The following SMOC2 variants were observed in gnomAD, a reference collection of about 807,000 sequenced individuals.
SMOC2 encodes SPARC related modular calcium binding 2, also known as SPARC-related modular calcium-binding protein 2.
Under a neutral mutation model 61.4 loss-of-function variants are expected in SMOC2, and 39 were observed. The observed-to-expected ratio is 0.64, with a 90% CI of 0.49 to 0.83. The LOEUF (loss-of-function observed/expected upper bound fraction) is 0.83. Among genes scored for constraint, SMOC2 ranks in the 40% least tolerant of loss-of-function variants. SMOC2 has a pLI of 0.00. For synonymous variants in SMOC2, 247 were observed against 239.9 expected (o/e 1.03, Z -0.27); for missense variants, 556 against 592.9 (o/e 0.94, Z 0.65).
chr6:168,484,199 G>A (rs1215559513), intron 1 of SMOC2, among the ~76,000 whole-genome samples: 2 of 152,006 alleles, frequency 1.3e-5, no homozygotes, highest in Non-Finnish European at 2.9e-5. Context: ...TATCTGACAA[G>A]GGATAAATAT....
At chr6:168,650,904 A>T in intron 10 of SMOC2, 121 bp downstream of exon 10, 5 of 846,590 alleles carry the variant, frequency 5.9e-6, no homozygotes, top group Non-Finnish European at 9.0e-6. Flanking sequence ...GTAGGGCCTT[A>T]AAAAGGAGCC....
chr6:168,451,454 A>G (rs1781459620), intron 1 of SMOC2, among the ~76,000 whole-genome samples: 1 of 152,172 alleles, frequency 6.6e-6, no homozygotes, highest in South Asian at 2.1e-4. Context: ...GCCTGTAAGA[A>G]TAAAAAACCC....
At position 168,664,065 on chromosome 6, in the gene SMOC2, T is replaced by C; in HGVS notation, c.1286-9T>C. On this transcript the variant is annotated splice_polypyrimidine_tract_variant and intron_variant, in intron 11 of 12. Transcript: ENST00000356284. Reference sequence around the variant, plus strand: ...GATTTTTAATAATATCTTTTTTTTTTCCTGCTAGCCCCCAGAGGTCATGCT... The same window carrying C: ...GATTTTTAATAATATCTTTTTTTTTCCCTGCTAGCCCCCAGAGGTCATGCT... The C allele has an allele frequency of 1.3e-6, 2 of 1,597,548 alleles. No individual in the cohort carries two copies. The highest frequency in any genetic ancestry group is 2.7e-5 in the African/African-American group (2 of 74,360).
intron 5 of SMOC2, among the ~76,000 whole-genome samples, chr6:168,545,336 C>T (rs975686562): frequency 3.3e-5 from 5 of 152,048 alleles, no homozygotes; most frequent in South Asian, 2.1e-4. Flanking sequence ...CACTTTAGGC[C>T]GGAATACGCA....
chr6:168,495,449 A>G (rs1782564970), intron 1 of SMOC2, among the ~76,000 whole-genome samples: 1 of 152,142 alleles, frequency 6.6e-6, no homozygotes, highest in African/African-American at 2.4e-5. Context: ...CTGAGTTTTT[A>G]ATTCTATCTC....
chr6:168,606,146 C>G (rs1205921752), intron 8 of SMOC2, among the ~76,000 whole-genome samples: 1 of 152,154 alleles, frequency 6.6e-6, no homozygotes. Context: ...CACATCATCT[C>G]TGGGTGAATG....
chr6:168,663,090 C>T (rs1475747878), intron 11 of SMOC2, among the ~76,000 whole-genome samples: 1 of 147,894 alleles, frequency 6.8e-6, no homozygotes, highest in East Asian at 2.0e-4. Context: ...TCCTTGGGAG[C>T]TGTCAGGAAA....
At chr6:168,607,532 G>A (rs990347886) in intron 8 of SMOC2, among the ~76,000 whole-genome samples, 1 of 151,836 alleles carries the variant, frequency 6.6e-6, no homozygotes, top group African/African-American at 2.4e-5. Flanking sequence ...AGCCCTGTCT[G>A]TTCAGGACTT....
At chr6:168,492,359 A>G (rs997128574) in intron 1 of SMOC2, among the ~76,000 whole-genome samples, 1 of 152,152 alleles carries the variant, frequency 6.6e-6, no homozygotes, top group Non-Finnish European at 1.5e-5. Context: ...TTCACCTTCT[A>G]TTTTCAAAGC....
intron 9 of SMOC2, among the ~76,000 whole-genome samples, chr6:168,645,371 A>G (rs1312607487): frequency 6.6e-6 from 1 of 152,186 alleles, no homozygotes; most frequent in Non-Finnish European, 1.5e-5. Flanking sequence ...GGAGGAAGTG[A>G]GCCTAAAACC....
intron 8 of SMOC2, among the ~76,000 whole-genome samples, chr6:168,603,339 T>C (rs12530037): frequency 0.41 from 57,510 of 140,828 alleles, 11,403 homozygotes; most frequent in Middle Eastern, 0.55. Context: ...GTCATAGGGG[T>C]GGGGCAGATG....
At chr6:168,448,308 G>A (rs1460274257) in intron 1 of SMOC2, among the ~76,000 whole-genome samples, 2 of 129,796 alleles carry the variant, frequency 1.5e-5, no homozygotes, top group African/African-American at 7.0e-5. Flanking sequence ...ACTCCCAGGA[G>A]GCTGGGGAGG....
chr6:168,547,783 T>G (rs1318352780), intron 6 of SMOC2, among the ~76,000 whole-genome samples: 3 of 151,978 alleles, frequency 2.0e-5, no homozygotes, highest in African/African-American at 7.3e-5. Flanking sequence ...GTGTCCAGCC[T>G]TATGAGGGCA....
intron 7 of SMOC2, among the ~76,000 whole-genome samples, chr6:168,581,373 G>A (rs1784913121): frequency 2.0e-5 from 3 of 152,118 alleles, no homozygotes; most frequent in African/African-American, 7.2e-5. Flanking sequence ...TGCCTGGCAT[G>A]GGCATTATCT....
At chr6:168,655,254 C>A (rs1488026798) in intron 11 of SMOC2, 7 of 380,330 alleles carry the variant, frequency 1.8e-5, no homozygotes, top group Non-Finnish European at 3.7e-5. Flanking sequence ...CAACCCTGCA[C>A]CTGAGCTCCA....
At chr6:168,636,548 G>T (rs960748837) in intron 9 of SMOC2, among the ~76,000 whole-genome samples, 11 of 152,230 alleles carry the variant, frequency 7.2e-5, no homozygotes, top group Non-Finnish European at 1.0e-4. Flanking sequence ...AGACAGTAGA[G>T]CTAGAAACCT....
At chr6:168,472,998 C>T (rs931059626) in intron 1 of SMOC2, among the ~76,000 whole-genome samples, 3 of 152,132 alleles carry the variant, frequency 2.0e-5, no homozygotes, top group African/African-American at 7.2e-5. Flanking sequence ...CATACAAACC[C>T]TCTTCCACTG....
chr6:168,658,417 T>G (rs1049963945), intron 11 of SMOC2, among the ~76,000 whole-genome samples: 5 of 141,954 alleles, frequency 3.5e-5, no homozygotes, highest in African/African-American at 1.3e-4. Flanking sequence ...ACTTTTAATC[T>G]TCTTCCATTC....
chr6:168,551,602 C>T (rs1372489639), intron 7 of SMOC2, among the ~76,000 whole-genome samples: 1 of 151,942 alleles, frequency 6.6e-6, no homozygotes, highest in East Asian at 1.9e-4. Context: ...TACAGGCACC[C>T]ACCACCACAC....
Sources: gnomAD v4.1 joint callset for allele counts (sites outside exome capture counted in the v4.1 genomes callset) on GRCh38, gnomAD v4.1.1 for gene constraint, MANE v1.5 for transcripts, NCBI Gene and HGNC (gene_info 2026-07-23, HGNC 2026-07-21) for gene names.